UNC13C: variants seen among roughly 807,000 people sequenced by gnomAD.
UNC13C encodes the protein protein unc-13 homolog C.
Under a neutral mutation model 245.4 loss-of-function variants are expected in UNC13C, and 174 were observed. The ratio of observed to expected loss-of-function variants is 0.71; its 90% confidence interval spans 0.63 to 0.80. The LOEUF (loss-of-function observed/expected upper bound fraction) is 0.80, where lower values mean the gene tolerates loss of function less well. Ranked by LOEUF, UNC13C falls within the 30% of genes least tolerant of loss-of-function variation. The probability of loss-of-function intolerance (pLI) is 0.00; values close to 1 mark genes in which losing one functional copy is unlikely to be tolerated. For missense variants in UNC13C, 2,829 were observed against 2,602.9 expected, an observed-to-expected ratio of 1.09 and a Z score of -1.89; for synonymous variants, 992 against 895.1, an observed-to-expected ratio of 1.11 and a Z score of -1.93.
intron 1 of UNC13C, among the ~76,000 whole-genome samples, chr15:54,004,599 G>A (rs912444366): frequency 2.0e-5 from 3 of 152,194 alleles, no homozygotes; most frequent in Admixed American, 6.5e-5. Flanking sequence ...GTTCTCCATA[G>A]TGGTTGTAGT....
intron 32 of UNC13C, among the ~76,000 whole-genome samples, chr15:54,626,485 A>G (rs1901158156): frequency 6.6e-6 from 1 of 152,024 alleles, no homozygotes; most frequent in South Asian, 2.1e-4. Flanking sequence ...CTGATATTGA[A>G]ATGGCATATA....
chr15:54,285,139 A>T (rs1567160125), intron 10 of UNC13C, among the ~76,000 whole-genome samples: 2 of 152,150 alleles, frequency 1.3e-5, no homozygotes, highest in Admixed American at 1.3e-4. Context: ...CTAATAATAT[A>T]ATTCCTTTCT....
chr15:54,568,042 C>T (rs1234187099), intron 30 of UNC13C, 95 bp downstream of exon 30: 5 of 1,031,322 alleles, frequency 4.8e-6, no homozygotes, highest in African/African-American at 3.3e-5. Flanking sequence ...TAATTTTTTG[C>T]TGTTGTGAAT....
chr15:54,343,878 A>G (rs1432454542), intron 17 of UNC13C, among the ~76,000 whole-genome samples: 1 of 150,808 alleles, frequency 6.6e-6, no homozygotes, highest in Non-Finnish European at 1.5e-5. Flanking sequence ...AATTACTAAG[A>G]GTTAACATTT....
At chr15:54,060,386 A>G (rs1402635626) in intron 2 of UNC13C, among the ~76,000 whole-genome samples, 7 of 152,180 alleles carry the variant, frequency 4.6e-5, no homozygotes, top group Admixed American at 2.6e-4. Flanking sequence ...ATCACTGGCC[A>G]TCAGAGAAAT....
intron 19 of UNC13C, among the ~76,000 whole-genome samples, chr15:54,470,832 C>CT (rs1401960857): frequency 6.6e-6 from 1 of 150,772 alleles, no homozygotes; most frequent in African/African-American, 2.4e-5. Flanking sequence ...TGAGATGTAA[C>CT]TTTTTTTTAC....
At chr15:54,631,419 A>G (rs1042438420), downstream of UNC13C, 3 of 152,204 alleles carry the variant, frequency 2.0e-5, no homozygotes, top group Admixed American at 1.3e-4. Context: ...TGTTATGACA[A>G]ATGCGTAGTC....
chr15:54,250,429 G>C lies in UNC13C; in HGVS notation c.3433G>C (p.Ala1145Pro). The part of the protein sequence containing the change: ...CHEKCQDLLN[A>P]DCLQRAAEKS... The stretch of plus-strand genomic sequence containing the variant: ...CGAAAAGTGTCAGGACCTGCTAAAC[G>C]CTGACTGCTTGCAGAGTGAGTACTT... The change falls in exon 8 of 33, where the codon GCT becomes CCT. Residue 1145 changes from alanine to proline, a missense_variant. Ala to Pro is a conservative substitution (Grantham distance 27). Transcript: ENST00000260323. 6.2e-7 allele frequency: 1 copy of C among 1,609,736 alleles called. No individual in the cohort carries two copies. Among genetic ancestry groups the C allele is most frequent in the South Asian group, 1.1e-5 (1 of 90,338 alleles).
chr15:54,446,200 G>A (rs1567278791), intron 19 of UNC13C, among the ~76,000 whole-genome samples: 2 of 152,140 alleles, frequency 1.3e-5, no homozygotes, highest in South Asian at 2.1e-4. Context: ...CTATAGCCTT[G>A]TAGTATAGTT....
intron 1 of UNC13C, among the ~76,000 whole-genome samples, chr15:53,991,481 G>A (rs1004436950): frequency 2.6e-5 from 4 of 151,918 alleles, no homozygotes; most frequent in East Asian, 1.9e-4. Context: ...TGTTGTATCA[G>A]GTGCTCAACC....
At chr15:54,479,853 T>A (rs1271300469) in intron 19 of UNC13C, among the ~76,000 whole-genome samples, 1 of 152,170 alleles carries the variant, frequency 6.6e-6, no homozygotes, top group Non-Finnish European at 1.5e-5. Flanking sequence ...TGGTGATGAA[T>A]TCCTTCTGTT....
intron 17 of UNC13C, among the ~76,000 whole-genome samples, chr15:54,341,540 C>A (rs948699459): frequency 2.0e-5 from 3 of 152,020 alleles, no homozygotes; most frequent in African/African-American, 7.2e-5. Context: ...GTTCAGGTAA[C>A]AAACCTACAT....
At chr15:54,425,169 A>G (rs911707500) in intron 19 of UNC13C, among the ~76,000 whole-genome samples, 4 of 151,868 alleles carry the variant, frequency 2.6e-5, no homozygotes, top group African/African-American at 7.2e-5. Flanking sequence ...AAACCTTAGT[A>G]CCATCACTAG....
At chr15:54,578,707 G>C (rs1898067493) in intron 30 of UNC13C, among the ~76,000 whole-genome samples, 1 of 152,150 alleles carries the variant, frequency 6.6e-6, no homozygotes, top group Admixed American at 6.5e-5. Flanking sequence ...GTCAGACAGA[G>C]GGCCAGCACC....
chr15:54,437,190 G>T (rs925307017), intron 19 of UNC13C, among the ~76,000 whole-genome samples: 3 of 151,846 alleles, frequency 2.0e-5, no homozygotes, highest in African/African-American at 4.8e-5. Context: ...AATATTTTTT[G>T]TGTGTGTTGG....
chr15:54,281,340 G>A lies in UNC13C; in HGVS notation c.3819-12555G>A, dbSNP rs1253262720. Among the ~76,000 whole-genome samples the A allele has an allele frequency of 5.9e-5, 9 of 152,230 alleles. No homozygotes were observed. The East Asian group carries it at 1.5e-3, about 26-fold the overall frequency. On this transcript the variant is annotated intron_variant, in intron 10 of 32. Transcript: ENST00000260323. ...CATACACTCCAGAAAAATGCTTTGT[G>A]TTTAAGATTTATTATCAAGACACAA...
intron 4 of UNC13C, among the ~76,000 whole-genome samples, chr15:54,177,744 A>G (rs184908280): frequency 1.3e-5 from 2 of 152,250 alleles, no homozygotes; most frequent in Admixed American, 6.5e-5. Context: ...TATATAATAT[A>G]TAGCTACTAC....
chr15:54,297,207 A>T (rs1188029308), intron 11 of UNC13C, among the ~76,000 whole-genome samples: 2 of 152,206 alleles, frequency 1.3e-5, no homozygotes, highest in Non-Finnish European at 1.5e-5. Context: ...TTCATTGTAT[A>T]AACTGATCAA....
At chr15:53,981,122 A>G (rs1893909695) in intron 1 of UNC13C, among the ~76,000 whole-genome samples, 1 of 152,316 alleles carries the variant, frequency 6.6e-6, no homozygotes, top group South Asian at 2.1e-4. Context: ...GTATGATAAT[A>G]TCTTTTCCCC....
Sources: gnomAD v4.1 joint callset for allele counts (sites outside exome capture counted in the v4.1 genomes callset) on GRCh38, gnomAD v4.1.1 for gene constraint, MANE v1.5 for transcripts, NCBI Gene and HGNC (gene_info 2026-07-23, HGNC 2026-07-21) for gene names.